Variants in DNAJA4 observed in about 807,000 individuals in gnomAD.
DNAJA4 encodes the protein DnaJ heat shock protein family (Hsp40) member A4.
DNAJA4 carries 32 observed loss-of-function variants against 39.7 expected under a neutral mutation model. That is an observed-to-expected ratio of 0.81 (90% CI 0.61 to 1.08). The LOEUF is 1.08. Ranked by LOEUF, DNAJA4 falls within the 50% of genes least tolerant of loss-of-function variation. DNAJA4 has a pLI of 0.00. For synonymous variants in DNAJA4, 184 were observed against 182.4 expected (o/e 1.01, Z -0.07); for missense variants, 439 against 505.1 (o/e 0.87, Z 1.25).
At chr15:78,265,638 G>C (rs902400725) in intron 1 of DNAJA4, 2 of 702,214 alleles carry the variant, frequency 2.8e-6, no homozygotes, top group African/African-American at 3.5e-5. Context: ...TTTACAGAAA[G>C]TTTGCTTTTT....
rs144253169 is a variant in DNAJA4 at position 78,275,180 on chromosome 15, C to T, written c.647-318C>T. 3.8e-3 allele frequency: 1,309 copies of T among 341,894 alleles called. 19 individuals carry two copies. The highest frequency in any genetic ancestry group is 0.025 in the African/African-American group (1,240 of 48,786). 21.2% of individuals were successfully genotyped at this position (341,894 alleles called of 1,614,324 possible). ...GTCCCAAGTCATGCACCCTGTGCCC[C>T]GGGAAGTGGGCGGTGACCCTATGCT... On this transcript the variant is annotated intron_variant, in intron 4 of 6. Coordinates refer to ENST00000394852, the MANE Select transcript of DNAJA4 (RefSeq NM_001130182.2).
In DNAJA4 at chr15:78,279,053, GCA is replaced by G. The variant is rs1334143861; in HGVS notation, c.878-989_878-988del. ...AGTTTAGCTAAGGGGTTGCTGTCCT[GCA>G]CAGTCAGTAGGCTCTGAAGGCCATG... On this transcript the variant is annotated intron_variant, in intron 5 of 6. Coordinates refer to ENST00000394852, the MANE Select transcript of DNAJA4 (RefSeq NM_001130182.2). This position sits in a 1 kb window ranked among gnomAD's most constrained non-coding sequence, Gnocchi z 4.5. The G allele has an allele frequency of 6.6e-6, 1 of 152,090 alleles. No individual in the cohort carries two copies. Among genetic ancestry groups the G allele is most frequent in the Non-Finnish European group, 1.5e-5 (1 of 68,058 alleles). 9.4% of individuals were successfully genotyped at this position (152,090 alleles called of 1,614,324 possible).
rs11853189 is a variant in DNAJA4 at position 78,273,478 on chromosome 15, C to T, written c.418+279C>T. On this transcript the variant is annotated intron_variant, in intron 3 of 6. Coordinates refer to ENST00000394852, the MANE Select transcript of DNAJA4 (RefSeq NM_001130182.2). ...TTTTAGGGTGCATGTGCACAACGTG[C>T]AGGTTTGTTACATATGTATACAGAC... 0.086 allele frequency among the ~76,000 whole-genome samples: 13,025 copies of T among 152,240 alleles called. 572 individuals are homozygous for T. The highest frequency in any genetic ancestry group is 0.12 in the East Asian group (645 of 5,182).
upstream of DNAJA4, chr15:78,264,548 G>T: frequency 8.2e-7 from 1 of 1,226,442 alleles, no homozygotes; most frequent in Non-Finnish European, 1.0e-6. Flanking sequence ...CGCCGCGGAG[G>T]AGCCGGTGGC....
At chr15:78,278,761 C>T (rs2049556467) in intron 5 of DNAJA4, among the ~76,000 whole-genome samples, 1 of 151,772 alleles carries the variant, frequency 6.6e-6, no homozygotes, top group African/African-American at 2.4e-5. Context: ...ACGCCATTCT[C>T]CTGCCTCAGC....
chr15:78,269,039 C>G (rs2049223092), intron 1 of DNAJA4, among the ~76,000 whole-genome samples: 1 of 152,142 alleles, frequency 6.6e-6, no homozygotes, highest in Non-Finnish European at 1.5e-5. Flanking sequence ...GCCTCTGAGG[C>G]CCAGACTGCA....
At chr15:78,274,804 G>A (rs1262866931) in intron 4 of DNAJA4, 3 of 289,788 alleles carry the variant, frequency 1.0e-5, no homozygotes, top group African/African-American at 2.2e-5. Context: ...GGCCATAAGG[G>A]CTTGTGTAAG....
chr15:78,264,740 G>T lies in DNAJA4; in HGVS notation c.-24G>T. The stretch of plus-strand genomic sequence containing the variant: ...CGTCCGGGGCGCTCTGACCGGCCTC[G>T]CCCGCCCCCCCCGCAGACACAAGAT... On this transcript the variant is annotated 5_prime_UTR_variant, in exon 1 of 7. Transcript: ENST00000394852. The T allele has an allele frequency of 7.2e-7, 1 of 1,384,328 alleles. No individual in the cohort carries two copies. The highest frequency in any genetic ancestry group is 9.4e-7 in the Non-Finnish European group (1 of 1,067,716). 85.8% of individuals were successfully genotyped at this position (1,384,328 alleles called of 1,614,324 possible).
chr15:78,271,529 A>G (rs1485427850), intron 2 of DNAJA4, among the ~76,000 whole-genome samples: 2 of 152,202 alleles, frequency 1.3e-5, no homozygotes, highest in African/African-American at 4.8e-5. Flanking sequence ...ATGTTTTGAA[A>G]TCTTTATAAA....
intron 5 of DNAJA4, among the ~76,000 whole-genome samples, chr15:78,276,031 G>C (rs1219030246): frequency 2.6e-5 from 4 of 152,046 alleles, no homozygotes; most frequent in Non-Finnish European, 5.9e-5. Context: ...TAATAACTCT[G>C]GATAATTTAT....
intron 2 of DNAJA4, 78 bp downstream of exon 2, chr15:78,270,755 T>A: frequency 6.6e-7 from 1 of 1,505,674 alleles, no homozygotes; most frequent in Non-Finnish European, 9.0e-7. Flanking sequence ...GGATAGATCA[T>A]GCTTTAAAAG....
intron 2 of DNAJA4, among the ~76,000 whole-genome samples, chr15:78,271,049 TCAAA>T (rs35220396): frequency 1.1e-3 from 168 of 150,666 alleles, no homozygotes; most frequent in Admixed American, 2.8e-3. Flanking sequence ...AGACCCTGTC[TCAAA>T]CAAACAAACA....
rs1163167773 is a variant in DNAJA4, at chr15:78,281,791, T to C, written c.*1331T>C. 1 of 152,188 alleles carries C rather than the reference T, an allele frequency of 6.6e-6. No individual in the cohort carries two copies. Among genetic ancestry groups the C allele is most frequent in the Non-Finnish European group, 1.5e-5 (1 of 68,034 alleles). The allele number at this position is 152,188 out of a possible 1,614,324, so 9.4% of individuals were successfully genotyped here. On this transcript the variant is annotated 3_prime_UTR_variant, in exon 7 of 7. Transcript: ENST00000394852. Reference sequence around the variant, plus strand: ...GTTTCACTCAGACCAGGGATCTTCCTTAGGAGGGTCAAAGTGCAGATCAGA... The same window carrying C: ...GTTTCACTCAGACCAGGGATCTTCCCTAGGAGGGTCAAAGTGCAGATCAGA...
intron 3 of DNAJA4, among the ~76,000 whole-genome samples, chr15:78,273,868 G>A (rs1474911344): frequency 6.6e-6 from 1 of 152,198 alleles, no homozygotes; most frequent in African/African-American, 2.4e-5. Flanking sequence ...GTGTTGTCTA[G>A]ATCGCCACAG....
At position 78,282,187 on chromosome 15, in the gene DNAJA4, T is replaced by C. The variant is rs950047782; in HGVS notation, c.*1727T>C. Reference sequence around the variant, plus strand: ...CTTTAAAATTAAAATTGAGCTGGTATGAGAGATAAGTGGCTTTGCTTTTTC... The same window carrying C: ...CTTTAAAATTAAAATTGAGCTGGTACGAGAGATAAGTGGCTTTGCTTTTTC... On this transcript the variant is annotated 3_prime_UTR_variant, in exon 7 of 7. Coordinates refer to ENST00000394852, the MANE Select transcript of DNAJA4 (RefSeq NM_001130182.2). The C allele has an allele frequency of 3.3e-5, 5 of 152,224 alleles. No homozygotes were observed. Among genetic ancestry groups the C allele is most frequent in the Admixed American group, 1.3e-4 (2 of 15,286 alleles). The allele number at this position is 152,224 out of a possible 1,614,324, so 9.4% of individuals were successfully genotyped here.
rs35757188 is a variant in DNAJA4, at chr15:78,264,725, G to T, written c.-39G>T. ...GGGTGCCGGCAGGGGCGTCCGGGGC[G>T]CTCTGACCGGCCTCGCCCGCCCCCC... On this transcript the variant is annotated 5_prime_UTR_variant, in exon 1 of 7. Coordinates refer to ENST00000394852, the MANE Select transcript of DNAJA4 (RefSeq NM_001130182.2). 1 of 1,409,794 alleles carries T rather than the reference G, an allele frequency of 7.1e-7. No homozygotes were observed. Among genetic ancestry groups the T allele is most frequent in the Non-Finnish European group, 9.3e-7 (1 of 1,074,800 alleles). 87.3% of individuals were successfully genotyped at this position (1,409,794 alleles called of 1,614,324 possible). A position where few individuals can be genotyped will look rare whatever the true frequency, so the allele number is the denominator to read the frequency against.
chr15:78,264,415 G>C, upstream of DNAJA4: 1 of 1,367,268 alleles, frequency 7.3e-7, no homozygotes, highest in Non-Finnish European at 9.4e-7. Flanking sequence ...GGCCGCGCCG[G>C]ACGGGCGTCG....
upstream of DNAJA4, chr15:78,264,232 G>C: frequency 2.8e-6 from 3 of 1,053,778 alleles, no homozygotes; most frequent in Non-Finnish European, 1.3e-6. Flanking sequence ...ACCCACGGAA[G>C]GGCAAGGGGG....
chr15:78,264,982 G>A, intron 1 of DNAJA4, 87 bp downstream of exon 1: 2 of 1,398,880 alleles, frequency 1.4e-6, no homozygotes, highest in Non-Finnish European at 1.9e-6. Flanking sequence ...GGAAACCTGA[G>A]CCGCGTTTGT....
Sources: allele counts gnomAD v4.1 joint callset (sites outside exome capture counted in the v4.1 genomes callset), GRCh38; gene constraint gnomAD v4.1.1; non-coding constraint Gnocchi (gnomAD v3.1); transcripts MANE v1.5; gene names NCBI Gene and HGNC (gene_info 2026-07-23, HGNC 2026-07-21).